SDCCAG8: variants seen among roughly 807,000 people sequenced by gnomAD.
The protein encoded by SDCCAG8 is SHH signaling and ciliogenesis regulator SDCCAG8, also known as serologically defined colon cancer antigen 8.
In SDCCAG8, 74 loss-of-function variants were observed where a neutral mutation model predicts 101.8. That is an observed-to-expected ratio of 0.73 (90% CI 0.60 to 0.88). The LOEUF is 0.88. Ranked by LOEUF, SDCCAG8 falls within the 40% of genes least tolerant of loss-of-function variation. The pLI, the probability that SDCCAG8 is intolerant of heterozygous loss-of-function variation, is 0.00. For synonymous variants in SDCCAG8, 281 were observed against 292.9 expected (o/e 0.96, Z 0.41); for missense variants, 787 against 822.6 (o/e 0.96, Z 0.53).
chr1:243,331,742 C>T (rs1336856285), intron 10 of SDCCAG8, among the ~76,000 whole-genome samples: 1 of 152,146 alleles, frequency 6.6e-6, no homozygotes, highest in African/African-American at 2.4e-5. Context: ...ACGGTCCTTT[C>T]AGTGCTTTCT....
chr1:243,316,967 A>G, intron 9 of SDCCAG8, 74 bp downstream of exon 9: 1 of 1,450,426 alleles, frequency 6.9e-7, no homozygotes, highest in Admixed American at 1.8e-5. Flanking sequence ...TTATTTGGTT[A>G]TTCTTCTATA....
Position 243,426,488 on chromosome 1 carries a change from CA to C in SDCCAG8, c.1916del (p.Gln639ArgfsTer21). 1 of 1,613,794 alleles carries C rather than the reference CA, an allele frequency of 6.2e-7. No homozygotes were observed. The highest frequency in any genetic ancestry group is 1.1e-5 in the South Asian group (1 of 91,062). On this transcript the variant is annotated frameshift_variant, in exon 16 of 18. Coordinates refer to ENST00000366541, the MANE Select transcript of SDCCAG8 (RefSeq NM_006642.5). LOFTEE classifies it high-confidence loss of function. Reference protein sequence around the residue: ...RYTYDKLGKLQRRNEELEEQC... With the variant: ...RYTYDKLGKLXRRNEELEEQC... The stretch of plus-strand genomic sequence containing the variant: ...TACATATGATAAATTGGGAAAGTTA[CA>C]GAGAAGAAATGAAGAATTGGAGGAA...
chr1:243,334,458 T>G (rs1033937599), intron 10 of SDCCAG8, among the ~76,000 whole-genome samples: 9 of 152,246 alleles, frequency 5.9e-5, no homozygotes, highest in Non-Finnish European at 1.0e-4. Context: ...GACCTACTTG[T>G]GCTTCCCCAA....
intron 13 of SDCCAG8, among the ~76,000 whole-genome samples, chr1:243,402,581 T>G (rs557869170): frequency 6.6e-6 from 1 of 152,312 alleles, no homozygotes; most frequent in African/African-American, 2.4e-5. Context: ...ATTTTGCACT[T>G]ACAGCATGTC....
chr1:243,282,812 T>A (rs1279657663), intron 4 of SDCCAG8, among the ~76,000 whole-genome samples: 1 of 151,984 alleles, frequency 6.6e-6, no homozygotes, highest in Admixed American at 6.6e-5. Flanking sequence ...GTAGGTAAGG[T>A]TTTTGTTTTT....
intron 16 of SDCCAG8, among the ~76,000 whole-genome samples, chr1:243,451,997 C>T (rs1365191456): frequency 3.9e-5 from 6 of 152,116 alleles, no homozygotes; most frequent in Non-Finnish European, 7.3e-5. Context: ...GGGTCATGAC[C>T]CACAGTTAAA....
intron 16 of SDCCAG8, among the ~76,000 whole-genome samples, chr1:243,438,164 C>T (rs1034340289): frequency 3.3e-5 from 5 of 152,134 alleles, no homozygotes; most frequent in Admixed American, 1.3e-4. Context: ...CTTTCCTGTG[C>T]GCATCCGGGG....
intron 15 of SDCCAG8, among the ~76,000 whole-genome samples, chr1:243,423,339 A>G (rs2148034153): frequency 6.6e-6 from 1 of 152,238 alleles, no homozygotes; most frequent in East Asian, 1.9e-4. Context: ...TACCTCTGAT[A>G]TATTTCCCTT....
rs777878320 is a variant in SDCCAG8 at position 243,489,498 on chromosome 1, T to C, written c.2112+358T>C. 1.5e-3 allele frequency among the ~76,000 whole-genome samples: 222 copies of C among 152,308 alleles called. 3 individuals carry two copies. The highest frequency in any genetic ancestry group is 6.8e-3 in the Middle Eastern group (2 of 294). Reference sequence around the variant, plus strand: ...TTTTTGGAGGATGGTGGCCTTGAGCTGCCTCTGAAGGTCGTGTATGGTTTG... The same window carrying C: ...TTTTTGGAGGATGGTGGCCTTGAGCCGCCTCTGAAGGTCGTGTATGGTTTG... On this transcript the variant is annotated intron_variant, in intron 17 of 17. Transcript: ENST00000366541.
intron 13 of SDCCAG8, among the ~76,000 whole-genome samples, chr1:243,396,974 C>T (rs1332458122): frequency 6.6e-6 from 1 of 152,188 alleles, no homozygotes; most frequent in Non-Finnish European, 1.5e-5. Flanking sequence ...TTGCGGTAAA[C>T]AAAGTTCACT....
chr1:243,433,772 G>C (rs1242004522), intron 16 of SDCCAG8, among the ~76,000 whole-genome samples: 2 of 152,150 alleles, frequency 1.3e-5, no homozygotes, highest in Non-Finnish European at 2.9e-5. Context: ...CCTGGGTAGT[G>C]ATGACCAGAA....
chr1:243,359,383 C>G (rs1050495385), intron 12 of SDCCAG8, among the ~76,000 whole-genome samples: 2 of 152,162 alleles, frequency 1.3e-5, no homozygotes, highest in African/African-American at 4.8e-5. Flanking sequence ...GTACTAAAAA[C>G]TATTCAATTG....
In SDCCAG8 at chr1:243,316,899, T is replaced by G. The variant is rs1363043198; in HGVS notation, c.1068+6T>G. The G allele has an allele frequency of 6.2e-7, 1 of 1,613,756 alleles. No individual in the cohort carries two copies. Among genetic ancestry groups the G allele is most frequent in the Non-Finnish European group, 8.5e-7 (1 of 1,179,736 alleles). On this transcript the variant is annotated splice_donor_region_variant and intron_variant, in intron 9 of 17. Coordinates refer to ENST00000366541, the MANE Select transcript of SDCCAG8 (RefSeq NM_006642.5). ...CCAATTTTGAAAAAACCAAGGCAAG[T>G]CTAATAAGATGCAAATAAAAGTGTC...
At chr1:243,484,780 T>A (rs992960527) in intron 16 of SDCCAG8, among the ~76,000 whole-genome samples, 3 of 152,188 alleles carry the variant, frequency 2.0e-5, no homozygotes, top group Admixed American at 6.5e-5. Context: ...GCGCGGTGGC[T>A]CACGCCTGTA....
chr1:243,256,945 T>C (rs2066769389), intron 1 of SDCCAG8, among the ~76,000 whole-genome samples: 2 of 152,270 alleles, frequency 1.3e-5, no homozygotes, highest in South Asian at 4.1e-4. Context: ...CAAGTATCTG[T>C]ACAAATAATG....
intron 10 of SDCCAG8, among the ~76,000 whole-genome samples, chr1:243,334,581 GTTGT>G (rs547764532): frequency 4.6e-5 from 7 of 151,938 alleles, no homozygotes; most frequent in Admixed American, 1.3e-4. Context: ...ATTCTTCAGA[GTTGT>G]TTGTTTGTTT....
At chr1:243,449,042 T>G (rs1162253500) in intron 16 of SDCCAG8, among the ~76,000 whole-genome samples, 1 of 152,228 alleles carries the variant, frequency 6.6e-6, no homozygotes, top group African/African-American at 2.4e-5. Flanking sequence ...ATTACTATTA[T>G]GAAGTAATAA....
chr1:243,273,502 A>C (rs931486281), intron 3 of SDCCAG8, among the ~76,000 whole-genome samples: 2 of 152,112 alleles, frequency 1.3e-5, no homozygotes, highest in Non-Finnish European at 2.9e-5. Flanking sequence ...TCTTCGTTGG[A>C]CCCCTCAATG....
At chr1:243,430,355 A>ATTT (rs1355923427) in intron 16 of SDCCAG8, among the ~76,000 whole-genome samples, 3 of 152,224 alleles carry the variant, frequency 2.0e-5, no homozygotes, top group Admixed American at 6.5e-5. Flanking sequence ...ACATAAAGGA[A>ATTT]AACAGAAAGT....
Sources: allele counts gnomAD v4.1 joint callset (sites outside exome capture counted in the v4.1 genomes callset), GRCh38; gene constraint gnomAD v4.1.1; transcripts MANE v1.5; gene names NCBI Gene and HGNC (gene_info 2026-07-23, HGNC 2026-07-21).